The following NALF1 variants were observed in gnomAD, a reference collection of about 807,000 sequenced individuals.
The protein encoded by NALF1 is NALCN channel auxiliary factor 1.
In NALF1, 3 loss-of-function variants were observed where a neutral mutation model predicts 48.4. The observed-to-expected ratio is 0.06, with a 90% confidence interval of 0.03 to 0.16. The LOEUF (loss-of-function observed/expected upper bound fraction) is 0.16. NALF1 is among the 10% of genes least tolerant of loss of function. The probability of loss-of-function intolerance (pLI) is 1.00; values close to 1 mark genes in which losing one functional copy is unlikely to be tolerated. For missense variants in NALF1, 526 were observed against 571.5 expected (o/e 0.92, Z 0.81); for synonymous variants, 262 against 245.7 (o/e 1.07, Z -0.62).
chr13:107,721,320 A>C (rs1875979763), intron 1 of NALF1, among the ~76,000 whole-genome samples: 1 of 152,160 alleles, frequency 6.6e-6, no homozygotes, highest in African/African-American at 2.4e-5. Context: ...GCAACAAGGA[A>C]TATCCAGCCC....
intron 1 of NALF1, among the ~76,000 whole-genome samples, chr13:107,539,340 T>A (rs1876932838): frequency 2.0e-5 from 3 of 151,804 alleles, no homozygotes; most frequent in African/African-American, 7.3e-5. Context: ...TTTACAACCA[T>A]CCATTCTCAC....
chr13:107,553,924 G>A (rs367622196), intron 1 of NALF1, among the ~76,000 whole-genome samples: 5 of 152,108 alleles, frequency 3.3e-5, no homozygotes, highest in Admixed American at 6.5e-5. Context: ...AGTCCACATC[G>A]TCTTTAAAAG....
In NALF1 at chr13:107,254,062, A is replaced by AAAAAAAAATATATAT; in HGVS notation, c.916-43308_916-43307insATATATATTTTTTTT. ...AGATGTTTAAGGGAGCAAGTACTAA[A>AAAAAAAAATATATAT]ATATATATATATATATTAAGCACAC... On this transcript the variant is annotated intron_variant, in intron 1 of 2. Transcript: ENST00000375915. Among the ~76,000 whole-genome samples the AAAAAAAAATATATAT allele has an allele frequency of 4.0e-3, 549 of 138,672 alleles. 18 individuals are homozygous for AAAAAAAAATATATAT. The highest frequency in any genetic ancestry group is 0.013 in the African/African-American group (496 of 37,056). The allele number at this position is 138,672 out of a possible 152,430, so 91.0% of individuals were successfully genotyped here.
chr13:107,184,352 T>A (rs1366626318), intron 2 of NALF1, among the ~76,000 whole-genome samples: 1 of 152,032 alleles, frequency 6.6e-6, no homozygotes, highest in Non-Finnish European at 1.5e-5. Context: ...AATGCGCCGA[T>A]GGAAAGGTAG....
chr13:107,315,469 C>T (rs1882129722), intron 1 of NALF1, among the ~76,000 whole-genome samples: 1 of 152,110 alleles, frequency 6.6e-6, no homozygotes, highest in South Asian at 2.1e-4. Flanking sequence ...CTTCTATAAT[C>T]TACCTTCAGT....
chr13:107,610,199 C>G lies in NALF1; in HGVS notation c.915+255483G>C, dbSNP rs545130514. Among the ~76,000 whole-genome samples the G allele has an allele frequency of 2.0e-5, 3 of 152,276 alleles. No individual in the cohort carries two copies. The East Asian group carries it at 5.8e-4, about 29-fold the overall frequency. ...ACAGCTACTTTGACAAGCACCTGGG[C>G]AGTATCTAATGTAACTGAAGATGTA... On this transcript the variant is annotated intron_variant, in intron 1 of 2. Coordinates refer to ENST00000375915, the MANE Select transcript of NALF1 (RefSeq NM_001080396.3).
intron 1 of NALF1, among the ~76,000 whole-genome samples, chr13:107,672,907 C>T (rs926700840): frequency 6.6e-6 from 1 of 152,066 alleles, no homozygotes; most frequent in South Asian, 2.1e-4. Flanking sequence ...TTTTTCTCCC[C>T]GCGCCCCCAC....
At chr13:107,269,572 A>G (rs895825409) in intron 1 of NALF1, among the ~76,000 whole-genome samples, 1 of 152,166 alleles carries the variant, frequency 6.6e-6, no homozygotes, top group Non-Finnish European at 1.5e-5. Flanking sequence ...CAAATCACCC[A>G]TGGTTTATAG....
intron 1 of NALF1, among the ~76,000 whole-genome samples, chr13:107,528,304 T>C (rs953376170): frequency 6.6e-6 from 1 of 152,120 alleles, no homozygotes; most frequent in African/African-American, 2.4e-5. Flanking sequence ...TATGTCATAA[T>C]AAGTAAGTTA....
chr13:107,625,114 C>T (rs540753387), intron 1 of NALF1, among the ~76,000 whole-genome samples: 8 of 152,206 alleles, frequency 5.3e-5, no homozygotes, highest in East Asian at 1.9e-4. Context: ...AACTCACACA[C>T]GGAGTACCAC....
At chr13:107,466,968 T>G (rs1885014230) in intron 1 of NALF1, among the ~76,000 whole-genome samples, 1 of 152,194 alleles carries the variant, frequency 6.6e-6, no homozygotes, top group Admixed American at 6.5e-5. Context: ...TCAACTTTAT[T>G]TATTCTGGCT....
intron 1 of NALF1, among the ~76,000 whole-genome samples, chr13:107,778,894 T>C (rs1877813182): frequency 1.3e-5 from 2 of 152,206 alleles, no homozygotes; most frequent in Admixed American, 1.3e-4. Flanking sequence ...CTCCAAAACC[T>C]ATATGTATTA....
rs550415131 is a variant in NALF1 at position 107,283,381 on chromosome 13, G to C, written c.916-72626C>G. 1.8e-3 allele frequency among the ~76,000 whole-genome samples: 269 copies of C among 152,088 alleles called. No homozygotes were observed. The Middle Eastern group carries it at 0.021, about 12-fold the overall frequency. Reference sequence around the variant, plus strand: ...GAGACATCAAAAACAAGGAGAAACTGCCAGAGCAAACTTTATCATAACTCT... The same window carrying C: ...GAGACATCAAAAACAAGGAGAAACTCCCAGAGCAAACTTTATCATAACTCT... On this transcript the variant is annotated intron_variant, in intron 1 of 2. Transcript: ENST00000375915.
intron 1 of NALF1, among the ~76,000 whole-genome samples, chr13:107,377,230 C>G (rs537853851): frequency 6.6e-6 from 1 of 152,162 alleles, no homozygotes; most frequent in African/African-American, 2.4e-5. Context: ...GTGTGTTCAT[C>G]TGCTCTAAAA....
chr13:107,522,246 T>C (rs1876267762), intron 1 of NALF1, among the ~76,000 whole-genome samples: 1 of 152,200 alleles, frequency 6.6e-6, no homozygotes, highest in Non-Finnish European at 1.5e-5. Context: ...TCGTATTTCG[T>C]ATCCTCTCCC....
intron 1 of NALF1, among the ~76,000 whole-genome samples, chr13:107,279,970 A>G (rs1881354992): frequency 6.6e-6 from 1 of 151,976 alleles, no homozygotes; most frequent in African/African-American, 2.4e-5. Context: ...TTTGTTTTGT[A>G]TTATAGAGAT....
At chr13:107,591,518 CAG>C (rs1246786626) in intron 1 of NALF1, among the ~76,000 whole-genome samples, 1 of 151,946 alleles carries the variant, frequency 6.6e-6, no homozygotes, top group Non-Finnish European at 1.5e-5. Context: ...AGGAGTAATT[CAG>C]AGTCATTTTC....
Position 107,165,274 on chromosome 13 carries a change from AT to A in NALF1, c.*5222del, listed in dbSNP as rs1238056667. Reference sequence around the variant, plus strand: ...TCGCTAGATCTTCCTGATCATTTTGATTTTTTCATTTAAGATTGAGTGATTC... The same window carrying A: ...TCGCTAGATCTTCCTGATCATTTTGATTTTTCATTTAAGATTGAGTGATTC... On this transcript the variant is annotated 3_prime_UTR_variant, in exon 3 of 3. Transcript: ENST00000375915. 2.0e-5 allele frequency: 3 copies of A among 152,094 alleles called. No individual in the cohort carries two copies. The highest frequency in any genetic ancestry group is 4.4e-5 in the Non-Finnish European group (3 of 68,026). 9.4% of individuals were successfully genotyped at this position (152,094 alleles called of 1,614,324 possible).
chr13:107,703,247 C>A (rs1881867533), intron 1 of NALF1, among the ~76,000 whole-genome samples: 1 of 152,088 alleles, frequency 6.6e-6, no homozygotes, highest in Non-Finnish European at 1.5e-5. Flanking sequence ...TTACCTTATA[C>A]ATTTTCTAAC....
Sources: allele counts gnomAD v4.1 joint callset (sites outside exome capture counted in the v4.1 genomes callset), GRCh38; gene constraint gnomAD v4.1.1; transcripts MANE v1.5; gene names NCBI Gene and HGNC (gene_info 2026-07-23, HGNC 2026-07-21).